PADI4: variants seen among roughly 807,000 people sequenced by gnomAD.
The protein encoded by PADI4 is peptidyl arginine deiminase 4, also known as protein-arginine deiminase type-4.
Under a neutral mutation model 75.0 loss-of-function variants are expected in PADI4, and 62 were observed. The ratio of observed to expected loss-of-function variants is 0.83; its 90% CI spans 0.67 to 1.02. PADI4 has a LOEUF of 1.02. Ranked by LOEUF, PADI4 falls within the 50% of genes least tolerant of loss-of-function variation. The probability of loss-of-function intolerance (pLI) is 0.00; values close to 1 mark genes in which losing one functional copy is unlikely to be tolerated. For synonymous variants in PADI4, 361 were observed against 348.1 expected (o/e 1.04, Z -0.41); for missense variants, 845 against 850.5 (o/e 0.99, Z 0.08).
At chr1:17,311,213 A>C (rs2073821046) in intron 1 of PADI4, among the ~76,000 whole-genome samples, 1 of 152,012 alleles carries the variant, frequency 6.6e-6, no homozygotes, top group African/African-American at 2.4e-5. Context: ...CAGTGAGGCA[A>C]GATTGCACCA....
chr1:17,354,809 A>G, intron 11 of PADI4, 122 bp downstream of exon 11: 2 of 955,278 alleles, frequency 2.1e-6, no homozygotes, highest in Non-Finnish European at 3.0e-6. Flanking sequence ...GACTTGAGGG[A>G]GTGTGAGAGG....
intron 10 of PADI4, among the ~76,000 whole-genome samples, chr1:17,354,266 A>G (rs1414779441): frequency 1.3e-5 from 2 of 151,958 alleles, no homozygotes; most frequent in East Asian, 3.9e-4. Context: ...ATGATGTTTT[A>G]CAGATTTGTT....
At chr1:17,316,972 G>A (rs1165174172) in intron 1 of PADI4, among the ~76,000 whole-genome samples, 1 of 152,144 alleles carries the variant, frequency 6.6e-6, no homozygotes, top group Non-Finnish European at 1.5e-5. Context: ...CGATGAGACA[G>A]TGTGTGTAGA....
chr1:17,351,973 AGGTGATGGGAGGAGAG>A lies in PADI4; in HGVS notation c.1156-2558_1156-2543del, dbSNP rs1557576194. Reference sequence around the variant, plus strand: ...GAGGTGGGAGGAGAGGCGGCCAGGGAGGTGATGGGAGGAGAGGCAGTCAGGGAGGTGATGGGAGGAG... The same window carrying A: ...GAGGTGGGAGGAGAGGCGGCCAGGGAGCAGTCAGGGAGGTGATGGGAGGAG... On this transcript the variant is annotated intron_variant, in intron 10 of 15. Transcript: ENST00000375448. Among the ~76,000 whole-genome samples the A allele has an allele frequency of 6.1e-4, 29 of 47,336 alleles. 1 individual carries two copies. The highest frequency in any genetic ancestry group is 2.0e-3 in the South Asian group (3 of 1,536). The allele number at this position is 47,336 out of a possible 152,430, so 31.1% of individuals were successfully genotyped here.
At chr1:17,336,341 A>C (rs1454437338) in intron 4 of PADI4, 115 bp downstream of exon 4, 6 of 688,518 alleles carry the variant, frequency 8.7e-6, no homozygotes, top group Admixed American at 5.5e-5. Context: ...AACTGTTAAA[A>C]AAAGAAAGAA....
intron 3 of PADI4, 76 bp from the exon 4 acceptor site, chr1:17,336,083 T>C (rs2074303944): frequency 1.0e-6 from 1 of 968,164 alleles, no homozygotes; most frequent in Non-Finnish European, 1.7e-6. Context: ...GGAAACGACC[T>C]GCCCATTCAG....
At chr1:17,353,751 G>T (rs907438963) in intron 10 of PADI4, among the ~76,000 whole-genome samples, 1 of 152,200 alleles carries the variant, frequency 6.6e-6, no homozygotes, top group Non-Finnish European at 1.5e-5. Flanking sequence ...GAGGGCCTGT[G>T]ATGATGGAAG....
At chr1:17,330,784 A>G (rs953499745) in intron 1 of PADI4, among the ~76,000 whole-genome samples, 185 bp from the exon 2 acceptor site, 3 of 152,070 alleles carry the variant, frequency 2.0e-5, no homozygotes, top group Non-Finnish European at 2.9e-5. Flanking sequence ...CAGTCCACTG[A>G]CTCAAATGCC....
At position 17,331,154 on chromosome 1, in the gene PADI4, G is replaced by A; in HGVS notation, c.273+5G>A. ...GGTAGCACAGGCGACCAGAAGGTGA[G>A]TGTCATAGCTGTGGGGTGGCAGTGT... On this transcript the variant is annotated splice_donor_5th_base_variant and intron_variant, in intron 2 of 15. Coordinates refer to ENST00000375448, the MANE Select transcript of PADI4 (RefSeq NM_012387.3). 1 of 1,608,054 alleles carries A rather than the reference G, an allele frequency of 6.2e-7. No individual in the cohort carries two copies. The highest frequency in any genetic ancestry group is 8.5e-7 in the Non-Finnish European group (1 of 1,177,340).
chr1:17,349,701 T>TC (rs201736249), intron 10 of PADI4, among the ~76,000 whole-genome samples: 8,010 of 21,694 alleles, frequency 0.37, 1,212 homozygotes, highest in African/African-American at 0.48. Context: ...CAAGACTGTA[T>TC]CAAAAAAAAA....
Position 17,363,976 on chromosome 1 carries a change from A to C in PADI4, c.*221A>C. ...CAGTTCTGCTCTAAGAAGCTGCAATAAAGTTTTTTTAAGTCACTTTGTACA... is the reference window on the plus strand; with the variant it reads ...CAGTTCTGCTCTAAGAAGCTGCAATCAAGTTTTTTTAAGTCACTTTGTACA... On this transcript the variant is annotated 3_prime_UTR_variant, in exon 16 of 16. Coordinates refer to ENST00000375448, the MANE Select transcript of PADI4 (RefSeq NM_012387.3). 2.3e-6 allele frequency: 1 copy of C among 433,370 alleles called. No homozygotes were observed. The highest frequency in any genetic ancestry group is 4.2e-6 in the Non-Finnish European group (1 of 240,702). The allele number at this position is 433,370 out of a possible 1,614,324, so 26.8% of individuals were successfully genotyped here.
chr1:17,351,962 G>GACTGT (rs1255524162), intron 10 of PADI4, among the ~76,000 whole-genome samples: 1 of 88,446 alleles, frequency 1.1e-5, no homozygotes, highest in Admixed American at 1.2e-4. Flanking sequence ...TGGGAGGAGA[G>GACTGT]GCGGCCAGGG....
At chr1:17,358,966 A>G (rs1412511215) in intron 14 of PADI4, 58 bp downstream of exon 14, 18 of 1,207,646 alleles carry the variant, frequency 1.5e-5, no homozygotes, top group Non-Finnish European at 2.2e-5. Flanking sequence ...CGGCTCAGCC[A>G]CTTTCCCAGT....
intron 15 of PADI4, among the ~76,000 whole-genome samples, chr1:17,359,811 G>A (rs745524260): frequency 6.6e-6 from 1 of 152,226 alleles, no homozygotes; most frequent in East Asian, 1.9e-4. Flanking sequence ...AACATCAAGA[G>A]AGAAGGGGAT....
At chr1:17,359,464 G>A (rs1487677974) in intron 15 of PADI4, 56 bp downstream of exon 15, 30 of 1,609,854 alleles carry the variant, frequency 1.9e-5, no homozygotes, top group Middle Eastern at 3.3e-4. Flanking sequence ...AGCTCAGCCC[G>A]AGAGGCCAGT....
intron 15 of PADI4, among the ~76,000 whole-genome samples, chr1:17,361,506 C>T (rs765650564): frequency 9.9e-5 from 15 of 152,200 alleles, no homozygotes; most frequent in Non-Finnish European, 2.2e-4. Context: ...GCACTTAGCA[C>T]GCATGGGCTG....
chr1:17,353,032 A>G (rs772793614), intron 10 of PADI4, among the ~76,000 whole-genome samples: 2 of 152,186 alleles, frequency 1.3e-5, no homozygotes, highest in Non-Finnish European at 2.9e-5. Context: ...GGGGAAGGCG[A>G]GGCCCGCGCA....
intron 1 of PADI4, among the ~76,000 whole-genome samples, chr1:17,310,093 C>T (rs2073793129): frequency 6.6e-6 from 1 of 152,210 alleles, no homozygotes; most frequent in African/African-American, 2.4e-5. Flanking sequence ...CTCCTTCAGC[C>T]ACACGTTGAG....
intron 1 of PADI4, among the ~76,000 whole-genome samples, chr1:17,315,481 G>A (rs1445657486): frequency 6.6e-6 from 1 of 152,062 alleles, no homozygotes. Flanking sequence ...GGATAAAAGG[G>A]AAAGAGAGAA....
Sources: gnomAD v4.1 joint callset for allele counts (sites outside exome capture counted in the v4.1 genomes callset) on GRCh38, gnomAD v4.1.1 for gene constraint, MANE v1.5 for transcripts, NCBI Gene and HGNC (gene_info 2026-07-23, HGNC 2026-07-21) for gene names.